Variants in SLC35F4 observed in about 807,000 individuals in gnomAD.
SLC35F4 encodes chromosome 14 open reading frame 36.
Under a neutral mutation model 44.2 loss-of-function variants are expected in SLC35F4, and 24 were observed. The observed-to-expected ratio is 0.54, with a 90% CI of 0.39 to 0.76. The LOEUF (loss-of-function observed/expected upper bound fraction) is 0.76. SLC35F4 is among the 30% of genes least tolerant of loss of function. SLC35F4 has a pLI of 0.00. For synonymous variants in SLC35F4, 238 were observed against 223.6 expected, an observed-to-expected ratio of 1.06 and a Z score of -0.57; for missense variants, 562 against 586.1, an observed-to-expected ratio of 0.96 and a Z score of 0.42.
chr14:57,948,990 T>G (rs1890086178), intron 1 of SLC35F4, among the ~76,000 whole-genome samples: 1 of 152,176 alleles, frequency 6.6e-6, no homozygotes, highest in Non-Finnish European at 1.5e-5. Flanking sequence ...TATGTGCTGA[T>G]GAAAAGAATG....
At chr14:57,715,216 CAATAATGCAG>C (rs1033041873) in intron 1 of SLC35F4, among the ~76,000 whole-genome samples, 1 of 151,964 alleles carries the variant, frequency 6.6e-6, no homozygotes, top group East Asian at 1.9e-4. Context: ...AATTTATAGA[CAATAATGCAG>C]AAGAATGCAA....
At chr14:57,979,307 T>A (rs1401448004) in intron 1 of SLC35F4, among the ~76,000 whole-genome samples, 1 of 152,206 alleles carries the variant, frequency 6.6e-6, no homozygotes, top group South Asian at 2.1e-4. Context: ...CCAAGGGTAC[T>A]CTATGATAGA....
intron 1 of SLC35F4, among the ~76,000 whole-genome samples, chr14:57,600,092 T>C (rs1595003659): frequency 6.6e-6 from 1 of 152,284 alleles, no homozygotes; most frequent in South Asian, 2.1e-4. Context: ...TCTACAACAA[T>C]GCTATGATCA....
intron 1 of SLC35F4, among the ~76,000 whole-genome samples, chr14:57,689,792 C>T (rs1314130765): frequency 4.6e-5 from 7 of 151,556 alleles, no homozygotes; most frequent in South Asian, 2.1e-4. Context: ...ATGTAAATGA[C>T]GAGTTAATGG....
chr14:57,849,110 T>G (rs1354254337), intron 1 of SLC35F4, among the ~76,000 whole-genome samples: 1 of 152,190 alleles, frequency 6.6e-6, no homozygotes, highest in African/African-American at 2.4e-5. Context: ...TTATAAACAG[T>G]TTTTGAGTCC....
At chr14:57,899,648 A>T (rs556181277) in intron 1 of SLC35F4, among the ~76,000 whole-genome samples, 2 of 152,322 alleles carry the variant, frequency 1.3e-5, no homozygotes, top group Admixed American at 1.3e-4. Flanking sequence ...TGAATGGAGC[A>T]CAGCTGAACT....
At chr14:57,797,845 T>A (rs2078091125) in intron 1 of SLC35F4, among the ~76,000 whole-genome samples, 1 of 152,162 alleles carries the variant, frequency 6.6e-6, no homozygotes, top group Non-Finnish European at 1.5e-5. Flanking sequence ...GGGAAGGTAC[T>A]TCCCCATCCC....
Position 57,747,208 on chromosome 14 carries a change from A to C in SLC35F4, c.103+118515T>G, listed in dbSNP as rs1010246146. Among the ~76,000 whole-genome samples the C allele has an allele frequency of 2.0e-5, 3 of 152,292 alleles. No homozygotes were observed. The South Asian group carries it at 6.2e-4, about 32-fold the overall frequency. On this transcript the variant is annotated intron_variant, in intron 1 of 7. Coordinates refer to ENST00000556826, the MANE Select transcript of SLC35F4 (RefSeq NM_001306087.2). ...TGGCTGTTATGATACACGCAAATAAAAAGACTCGAGTCATAAAGTTGAGAG... is the reference window on the plus strand; with the variant it reads ...TGGCTGTTATGATACACGCAAATAACAAGACTCGAGTCATAAAGTTGAGAG...
chr14:57,954,822 A>G (rs1301564023), intron 1 of SLC35F4, among the ~76,000 whole-genome samples: 1 of 152,056 alleles, frequency 6.6e-6, no homozygotes, highest in Non-Finnish European at 1.5e-5. Context: ...GACCAGACAG[A>G]TTCACAGCCG....
At chr14:57,965,403 C>T (rs915421705) in intron 1 of SLC35F4, among the ~76,000 whole-genome samples, 2 of 152,096 alleles carry the variant, frequency 1.3e-5, no homozygotes. Context: ...CCAGATAACC[C>T]AGGATAACCT....
Position 57,793,825 on chromosome 14 carries a change from T to G in SLC35F4, c.103+71898A>C, listed in dbSNP as rs144399160. Among the ~76,000 whole-genome samples the G allele has an allele frequency of 1.5e-3, 234 of 152,266 alleles. No individual in the cohort carries two copies. The East Asian group carries it at 0.038, about 24-fold the overall frequency. ...ATACTGTTTTCCATAAAGGTTGTACTAATTTACATTCTCTGTGTAAACCAG... is the reference window on the plus strand; with the variant it reads ...ATACTGTTTTCCATAAAGGTTGTACGAATTTACATTCTCTGTGTAAACCAG... On this transcript the variant is annotated intron_variant, in intron 1 of 7. Coordinates refer to ENST00000556826, the MANE Select transcript of SLC35F4 (RefSeq NM_001306087.2).
intron 1 of SLC35F4, among the ~76,000 whole-genome samples, chr14:57,964,991 A>ATATATATATATATATATATAT (rs1279192848): frequency 1.7e-5 from 2 of 115,672 alleles, no homozygotes; most frequent in African/African-American, 7.3e-5. Context: ...AAAAAAAAAA[A>ATATATATATATATATATATAT]ATATATATAT....
At chr14:57,844,117 T>A (rs764179122) in intron 1 of SLC35F4, among the ~76,000 whole-genome samples, 1 of 152,166 alleles carries the variant, frequency 6.6e-6, no homozygotes, top group Admixed American at 6.5e-5. Context: ...CCAGTAAGCA[T>A]AAATACAAGA....
intron 1 of SLC35F4, among the ~76,000 whole-genome samples, chr14:57,689,990 G>C (rs553960643): frequency 6.6e-6 from 1 of 151,780 alleles, no homozygotes; most frequent in Non-Finnish European, 1.5e-5. Flanking sequence ...TCTTTTCCTC[G>C]AACAAATCAT....
At chr14:57,681,958 C>T (rs2074919076) in intron 1 of SLC35F4, among the ~76,000 whole-genome samples, 2 of 152,168 alleles carry the variant, frequency 1.3e-5, no homozygotes, top group Non-Finnish European at 2.9e-5. Flanking sequence ...CCATCTCACG[C>T]CAGTTAGAAT....
At chr14:57,586,591 G>A (rs141945899) in intron 3 of SLC35F4, among the ~76,000 whole-genome samples, 3,365 of 151,444 alleles carry the variant, frequency 0.022, 68 homozygotes, top group South Asian at 0.048. Context: ...GGTGGCGGGT[G>A]CCTGTAGTCC....
At chr14:57,789,224 A>C (rs2077849286) in intron 1 of SLC35F4, among the ~76,000 whole-genome samples, 1 of 152,220 alleles carries the variant, frequency 6.6e-6, no homozygotes, top group Non-Finnish European at 1.5e-5. Flanking sequence ...GGTTTTTTGA[A>C]AAGATTAATG....
chr14:57,627,291 C>G (rs949267169), intron 1 of SLC35F4, among the ~76,000 whole-genome samples: 17 of 151,996 alleles, frequency 1.1e-4, no homozygotes, highest in Admixed American at 4.6e-4. Flanking sequence ...TCTTCGTAGT[C>G]TCAAAAATGG....
At chr14:57,743,147 C>A (rs908096661) in intron 1 of SLC35F4, among the ~76,000 whole-genome samples, 18 of 152,048 alleles carry the variant, frequency 1.2e-4, no homozygotes, top group African/African-American at 4.3e-4. Flanking sequence ...ACATCCTAAC[C>A]TCACAATGAA....
Sources: allele counts gnomAD v4.1 joint callset (sites outside exome capture counted in the v4.1 genomes callset), GRCh38; gene constraint gnomAD v4.1.1; transcripts MANE v1.5; gene names NCBI Gene and HGNC (gene_info 2026-07-23, HGNC 2026-07-21).